The following RIMBP2 variants were observed in gnomAD, a reference collection of about 807,000 sequenced individuals.
RIMBP2 encodes RIMS-binding protein 2.
A neutral mutation model predicts 118.6 loss-of-function variants in RIMBP2; 48 were observed. That is an observed-to-expected ratio of 0.40 (90% CI 0.32 to 0.51). RIMBP2 has a LOEUF of 0.51. Among genes scored for constraint, RIMBP2 ranks in the 20% least tolerant of loss-of-function variants. RIMBP2 has a pLI of 0.41. For synonymous variants in RIMBP2, 762 were observed against 742.9 expected, an observed-to-expected ratio of 1.03 and a Z score of -0.42; for missense variants, 1,551 against 1,768.3, an observed-to-expected ratio of 0.88 and a Z score of 2.20.
intron 2 of RIMBP2, among the ~76,000 whole-genome samples, chr12:130,538,866 G>A (rs1265123852): frequency 6.6e-6 from 1 of 152,132 alleles, no homozygotes; most frequent in Non-Finnish European, 1.5e-5. Flanking sequence ...GGGATCGGGT[G>A]GTGGCCCATC....
chr12:130,594,749 T>A (rs889432375), intron 2 of RIMBP2, among the ~76,000 whole-genome samples: 2 of 152,212 alleles, frequency 1.3e-5, no homozygotes, highest in Admixed American at 6.5e-5. Context: ...TATATCTCTA[T>A]GTACATGTCT....
chr12:130,428,357 GCTA>G lies in RIMBP2; in HGVS notation c.2254-23_2254-21del, dbSNP rs770079216. The stretch of plus-strand genomic sequence containing the variant: ...GTGCGGCTGGGGGCCAAGAAAAGGG[GCTA>G]CTGAGCGGGTGGCTCCTCCCGCATC... On this transcript the variant is annotated intron_variant, in intron 14 of 22. Coordinates refer to ENST00000690449, the MANE Select transcript of RIMBP2 (RefSeq NM_001393629.1). 1.3e-6 allele frequency: 2 copies of G among 1,593,870 alleles called. No homozygotes were observed. The highest frequency in any genetic ancestry group is 1.7e-6 in the Non-Finnish European group (2 of 1,169,066).
In RIMBP2 at chr12:130,670,251, A is replaced by G. The variant is rs548663383; in HGVS notation, c.-351-41795T>C. ...CCGACACCATGATCCCGGCCCCAGG[A>G]CCTCAGACTTCCGATCTCCAGAACT... On this transcript the variant is annotated intron_variant, in intron 1 of 22. Transcript: ENST00000690449. This position sits in a 1 kb window ranked among gnomAD's most constrained non-coding sequence, Gnocchi z 4.9. 1.3e-5 allele frequency among the ~76,000 whole-genome samples: 2 copies of G among 152,132 alleles called. No individual in the cohort carries two copies. Among genetic ancestry groups the G allele is most frequent in the South Asian group, 4.2e-4 (2 of 4,802 alleles).
At chr12:130,656,659 C>T (rs2136307313) in intron 1 of RIMBP2, among the ~76,000 whole-genome samples, 1 of 152,278 alleles carries the variant, frequency 6.6e-6, no homozygotes. Context: ...ACCGTCTTCC[C>T]TCCACGTTTG....
chr12:130,548,122 T>TGACGGAAGACAAGAAGCCCAC (rs544229615), intron 2 of RIMBP2, among the ~76,000 whole-genome samples: 51 of 151,946 alleles, frequency 3.4e-4, no homozygotes, highest in African/African-American at 1.1e-3. Context: ...TGAACAGGAG[T>TGACGGAAGACAAGAAGCCCAC]GACGGAAGAC....
chr12:130,605,110 G>A (rs1263782222), intron 2 of RIMBP2, among the ~76,000 whole-genome samples: 3 of 152,146 alleles, frequency 2.0e-5, no homozygotes. Context: ...TTCACATGAC[G>A]AGATTGCCAG....
intron 2 of RIMBP2, among the ~76,000 whole-genome samples, chr12:130,573,485 G>A (rs964692090): frequency 6.6e-6 from 1 of 152,202 alleles, no homozygotes; most frequent in African/African-American, 2.4e-5. Context: ...TGTGAGGTGC[G>A]TGTGCTTACT....
chr12:130,398,217 T>C (rs1422905566), intron 22 of RIMBP2: 1 of 152,266 alleles, frequency 6.6e-6, no homozygotes, highest in East Asian at 1.9e-4. Flanking sequence ...GGTAGACTTT[T>C]ACTCTAATAC....
intron 16 of RIMBP2, among the ~76,000 whole-genome samples, chr12:130,423,543 C>T (rs1246616041): frequency 6.6e-6 from 1 of 151,358 alleles, no homozygotes; most frequent in African/African-American, 2.4e-5. Context: ...AAACCAACAA[C>T]AAGCCCAGAC....
intron 1 of RIMBP2, among the ~76,000 whole-genome samples, chr12:130,636,759 A>T (rs1489410423): frequency 6.6e-6 from 1 of 152,182 alleles, no homozygotes. Context: ...GCGCTGAGCT[A>T]TGAGGAGAAA....
At chr12:130,550,623 G>A (rs2055671299) in intron 2 of RIMBP2, among the ~76,000 whole-genome samples, 1 of 152,150 alleles carries the variant, frequency 6.6e-6, no homozygotes, top group South Asian at 2.1e-4. Context: ...TAAACGTACT[G>A]CAAAATGAAA....
intron 4 of RIMBP2, among the ~76,000 whole-genome samples, chr12:130,505,266 C>G (rs1412086040): frequency 2.0e-5 from 3 of 152,074 alleles, no homozygotes; most frequent in African/African-American, 7.2e-5. Flanking sequence ...GGGCATCTTT[C>G]TTTGCTAATC....
At chr12:130,541,063 A>C (rs1438192670) in intron 2 of RIMBP2, among the ~76,000 whole-genome samples, 1 of 152,152 alleles carries the variant, frequency 6.6e-6, no homozygotes, top group African/African-American at 2.4e-5. Flanking sequence ...AGGATGGAAG[A>C]GGAGGAGTGA....
chr12:130,695,361 A>G (rs1260299300), intron 1 of RIMBP2, among the ~76,000 whole-genome samples: 1 of 152,182 alleles, frequency 6.6e-6, no homozygotes, highest in African/African-American at 2.4e-5. Flanking sequence ...TGATCTCCAA[A>G]TAAGTGACAC....
chr12:130,451,591 G>A (rs997492925), intron 7 of RIMBP2, among the ~76,000 whole-genome samples: 1 of 152,194 alleles, frequency 6.6e-6, no homozygotes, highest in African/African-American at 2.4e-5. Flanking sequence ...GACGAGGATG[G>A]TCCCAGGCAG....
chr12:130,572,797 C>T (rs1263865359), intron 2 of RIMBP2, among the ~76,000 whole-genome samples: 6 of 151,926 alleles, frequency 3.9e-5, no homozygotes, highest in East Asian at 3.9e-4. Flanking sequence ...TGCAGCAGGA[C>T]GACCTGTATG....
chr12:130,586,730 A>G (rs2058909115), intron 2 of RIMBP2, among the ~76,000 whole-genome samples: 1 of 122,424 alleles, frequency 8.2e-6, no homozygotes, highest in African/African-American at 3.2e-5. Flanking sequence ...AAACCCTAGA[A>G]GAAAACCTAG....
In RIMBP2 at chr12:130,621,803, T is replaced by C. The variant is rs887944185; in HGVS notation, c.-217+6519A>G. 6.6e-6 allele frequency among the ~76,000 whole-genome samples: 1 copy of C among 152,150 alleles called. No homozygotes were observed. The highest frequency in any genetic ancestry group is 1.5e-5 in the Non-Finnish European group (1 of 68,028). On this transcript the variant is annotated intron_variant, in intron 2 of 22. Transcript: ENST00000690449. The surrounding 1 kb of genome is among the most constrained non-coding windows in gnomAD (Gnocchi z 6.6). ...AAACTCTTGCCAAACACATTTGTACTCTACCCTTTTACTGCCCTTGAAGGT... is the reference window on the plus strand; with the variant it reads ...AAACTCTTGCCAAACACATTTGTACCCTACCCTTTTACTGCCCTTGAAGGT...
At chr12:130,449,426 A>G (rs921751721) in intron 9 of RIMBP2, among the ~76,000 whole-genome samples, 2 of 152,178 alleles carry the variant, frequency 1.3e-5, no homozygotes, top group Admixed American at 1.3e-4. Context: ...GCGAGCACAA[A>G]CACTGAAGGC....
Sources: allele counts gnomAD v4.1 joint callset (sites outside exome capture counted in the v4.1 genomes callset), GRCh38; gene constraint gnomAD v4.1.1; non-coding constraint Gnocchi (gnomAD v3.1); transcripts MANE v1.5; gene names NCBI Gene and HGNC (gene_info 2026-07-23, HGNC 2026-07-21).